Variants in DIAPH2 observed in about 807,000 individuals in gnomAD.
DIAPH2 encodes the protein protein diaphanous homolog 2.
Under a neutral mutation model 92.7 loss-of-function variants are expected in DIAPH2, and 35 were observed. The ratio of observed to expected loss-of-function variants is 0.38; its 90% confidence interval spans 0.29 to 0.50. DIAPH2 has a LOEUF of 0.50. Among genes scored for constraint, DIAPH2 ranks in the 20% least tolerant of loss-of-function variants. DIAPH2 has a pLI of 0.94. For synonymous variants in DIAPH2, 301 were observed against 280.4 expected (o/e 1.07, Z -0.73); for missense variants, 701 against 819.5 (o/e 0.86, Z 1.77).
intron 19 of DIAPH2, among the ~76,000 whole-genome samples, chrX:97,089,206 G>A (rs1200174399): frequency 8.9e-6 from 1 of 112,072 alleles, no homozygotes; most frequent in Admixed American, 9.5e-5. Flanking sequence ...TGCTTCTCAT[G>A]TGAAGTTGTG....
intron 4 of DIAPH2, among the ~76,000 whole-genome samples, chrX:96,833,574 T>C (rs12846796): frequency 8.9e-6 from 1 of 111,879 alleles, no homozygotes; most frequent in African/African-American, 3.2e-5. Context: ...CATTACGTCA[T>C]TATATAAAGA....
At chrX:97,531,683 C>G (rs1332934329) in intron 26 of DIAPH2, among the ~76,000 whole-genome samples, 2 of 112,003 alleles carry the variant, frequency 1.8e-5, no homozygotes, top group Non-Finnish European at 3.8e-5. Flanking sequence ...ATAGGTTTCT[C>G]TAGTTGTATA....
chrX:97,339,561 A>C (rs893754482), intron 23 of DIAPH2, among the ~76,000 whole-genome samples: 5 of 111,686 alleles, frequency 4.5e-5, no homozygotes, highest in African/African-American at 1.6e-4. Flanking sequence ...ACTTATGATA[A>C]ATGTTTTATA....
At chrX:96,758,069 T>C (rs1405198763) in intron 3 of DIAPH2, 85 bp from the exon 4 acceptor site, 1 of 811,623 alleles carries the variant, frequency 1.2e-6, no homozygotes, top group Non-Finnish European at 1.7e-6. Context: ...TTTTAAGACA[T>C]AGAAATTATT....
intron 15 of DIAPH2, among the ~76,000 whole-genome samples, chrX:96,956,312 C>T (rs2065810201): frequency 9.2e-6 from 1 of 108,993 alleles, no homozygotes; most frequent in South Asian, 4.1e-4. Flanking sequence ...AGCGGGAGGG[C>T]CCTGGACCTG....
intron 26 of DIAPH2, among the ~76,000 whole-genome samples, chrX:97,514,507 G>A (rs1266981610): frequency 5.2e-4 from 50 of 96,111 alleles, no homozygotes; most frequent in Non-Finnish European, 6.1e-4. Context: ...TCTTCTCTCA[G>A]CTTGTCAAAG....
chrX:97,104,642 A>G (rs2066927172), intron 20 of DIAPH2, among the ~76,000 whole-genome samples: 1 of 110,408 alleles, frequency 9.1e-6, no homozygotes, highest in African/African-American at 3.3e-5. Flanking sequence ...CAGCCTCCCA[A>G]AATACTGGGA....
intron 23 of DIAPH2, among the ~76,000 whole-genome samples, chrX:97,340,294 C>T (rs1318360166): frequency 1.8e-5 from 2 of 111,529 alleles, no homozygotes; most frequent in Non-Finnish European, 3.8e-5. Context: ...TAAATATGGC[C>T]ATAGGCTTCT....
At chrX:97,506,343 G>T (rs1602634068) in intron 26 of DIAPH2, among the ~76,000 whole-genome samples, 1 of 106,143 alleles carries the variant, frequency 9.4e-6, no homozygotes, top group Non-Finnish European at 1.9e-5. Context: ...TAGAGATGGG[G>T]TTTCACCATA....
At chrX:96,810,575 A>G (rs761423534) in intron 4 of DIAPH2, among the ~76,000 whole-genome samples, 35 of 111,664 alleles carry the variant, frequency 3.1e-4, no homozygotes, top group African/African-American at 1.1e-3. Context: ...TTGGTGTTTT[A>G]GTCATGAGGT....
intron 26 of DIAPH2, among the ~76,000 whole-genome samples, chrX:97,436,894 CCT>C (rs2070192882): frequency 8.9e-6 from 1 of 111,991 alleles, no homozygotes; most frequent in South Asian, 3.7e-4. Flanking sequence ...GGGGGAAATG[CCT>C]CTCTCTTTTC....
intron 4 of DIAPH2, among the ~76,000 whole-genome samples, chrX:96,866,022 A>G (rs2065102649): frequency 8.9e-6 from 1 of 112,299 alleles, no homozygotes; most frequent in African/African-American, 3.2e-5. Context: ...ACTGGATTCA[A>G]ATCAAATTTT....
At chrX:97,140,643 G>A (rs1421107650) in intron 21 of DIAPH2, among the ~76,000 whole-genome samples, 2 of 111,467 alleles carry the variant, frequency 1.8e-5, no homozygotes, top group African/African-American at 3.2e-5. Flanking sequence ...TTAAAAACCT[G>A]TAGAACAAAA....
intron 26 of DIAPH2, among the ~76,000 whole-genome samples, chrX:97,449,291 A>C (rs186104866): frequency 1.8e-5 from 2 of 112,024 alleles, no homozygotes; most frequent in Admixed American, 1.9e-4. Flanking sequence ...TTATTGATAA[A>C]TATAAGTACA....
chrX:97,174,539 A>C (rs1179680869), intron 22 of DIAPH2, among the ~76,000 whole-genome samples: 1 of 111,780 alleles, frequency 8.9e-6, no homozygotes, highest in Non-Finnish European at 1.9e-5. Context: ...GTTGTTGTAG[A>C]TATTAATGGG....
chrX:96,905,883 G>A (rs1011671321), intron 5 of DIAPH2, among the ~76,000 whole-genome samples: 4 of 112,107 alleles, frequency 3.6e-5, no homozygotes, highest in East Asian at 5.6e-4. Flanking sequence ...TAATCCCAGC[G>A]CTTTGGGAGG....
At chrX:96,800,211 C>T (rs189410382) in intron 4 of DIAPH2, among the ~76,000 whole-genome samples, 66 of 111,676 alleles carry the variant, frequency 5.9e-4, no homozygotes, top group Non-Finnish European at 1.1e-3. Context: ...ATATAATTGT[C>T]CACTTCTCTT....
intron 23 of DIAPH2, among the ~76,000 whole-genome samples, chrX:97,309,466 C>T (rs943394121): frequency 9.0e-6 from 1 of 111,660 alleles, no homozygotes; most frequent in Non-Finnish European, 1.9e-5. Context: ...TAATGAAGTG[C>T]CTGCCCATAT....
At chrX:97,254,263 G>T (rs927366219) in intron 23 of DIAPH2, among the ~76,000 whole-genome samples, 1 of 111,094 alleles carries the variant, frequency 9.0e-6, no homozygotes, top group Non-Finnish European at 1.9e-5. Context: ...AGGCCAAGGT[G>T]GGTAGATCAC....
Sources: gnomAD v4.1 joint callset for allele counts (sites outside exome capture counted in the v4.1 genomes callset) on GRCh38, gnomAD v4.1.1 for gene constraint, MANE v1.5 for transcripts, NCBI Gene and HGNC (gene_info 2026-07-23, HGNC 2026-07-21) for gene names.